SLC25A48: variants seen among roughly 807,000 people sequenced by gnomAD.
SLC25A48 encodes CTC-321K16.1.
Under a neutral mutation model 32.2 loss-of-function variants are expected in SLC25A48, and 29 were observed. That is an observed-to-expected ratio of 0.90 (90% CI 0.67 to 1.23). The LOEUF (loss-of-function observed/expected upper bound fraction) is 1.23. Ranked by LOEUF, SLC25A48 falls within the 50% of genes most tolerant of loss-of-function variation. SLC25A48 has a pLI of 0.00. For synonymous variants in SLC25A48, 164 were observed against 172.3 expected, an observed-to-expected ratio of 0.95 and a Z score of 0.38; for missense variants, 399 against 422.7, an observed-to-expected ratio of 0.94 and a Z score of 0.49.
chr5:135,799,553 G>C (rs1757271178), intron 3 of SLC25A48, among the ~76,000 whole-genome samples: 1 of 151,522 alleles, frequency 6.6e-6, no homozygotes, highest in South Asian at 2.1e-4. Context: ...ACACCCCCCT[G>C]TTGTATTATT....
At chr5:135,757,346 G>A (rs917918297) in intron 3 of SLC25A48, among the ~76,000 whole-genome samples, 2 of 149,266 alleles carry the variant, frequency 1.3e-5, no homozygotes, top group African/African-American at 4.9e-5. Flanking sequence ...AATGTCTAGT[G>A]TTAACACACA....
intron 3 of SLC25A48, among the ~76,000 whole-genome samples, chr5:135,728,351 A>T (rs914472603): frequency 6.6e-6 from 1 of 152,204 alleles, no homozygotes; most frequent in African/African-American, 2.4e-5. Context: ...AACTAAAAAC[A>T]TCTGTAAATC....
chr5:135,599,425 A>G (rs1259929501), intron 1 of SLC25A48, among the ~76,000 whole-genome samples: 2 of 152,172 alleles, frequency 1.3e-5, no homozygotes, highest in Non-Finnish European at 2.9e-5. Context: ...GGTTTGCTGT[A>G]ATCAGGTTAC....
chr5:135,757,988 TATC>T (rs1195717198), intron 3 of SLC25A48, among the ~76,000 whole-genome samples: 2 of 150,536 alleles, frequency 1.3e-5, no homozygotes, highest in African/African-American at 4.8e-5. Context: ...ATTAATAGAA[TATC>T]ATCTAGATAA....
In SLC25A48 at chr5:135,783,388, A is replaced by G. The variant is rs1452257972; in HGVS notation, c.-520-29135A>G. Among the ~76,000 whole-genome samples, 3 of 118,424 alleles carry G rather than the reference A, an allele frequency of 2.5e-5. 1 individual carries two copies. The highest frequency in any genetic ancestry group is 6.3e-5 in the Non-Finnish European group (3 of 47,872). The allele number at this position is 118,424 out of a possible 152,430, so 77.7% of individuals were successfully genotyped here. A position where few individuals can be genotyped will look rare whatever the true frequency, so the allele number is the denominator to read the frequency against. On this transcript the variant is annotated intron_variant, in intron 3 of 10. Coordinates refer to the SLC25A48 transcript ENST00000646290. ...GGGAAAGAATGATATTACTTTCAGT[A>G]TCACATGGGGTGTACACCATCCCCC... is the stretch of plus-strand genomic sequence containing the variant.
chr5:135,679,174 G>A (rs184268333), intron 3 of SLC25A48, among the ~76,000 whole-genome samples: 1 of 152,290 alleles, frequency 6.6e-6, no homozygotes, highest in Admixed American at 6.5e-5. Flanking sequence ...TGGCTGTGAT[G>A]AGCTGGGCAG....
intron 3 of SLC25A48, among the ~76,000 whole-genome samples, chr5:135,762,473 T>C (rs1220376625): frequency 6.6e-6 from 1 of 152,180 alleles, no homozygotes; most frequent in East Asian, 1.9e-4. Context: ...TAATTCCAAA[T>C]ATTGATCTAT....
At chr5:135,613,834 G>T (rs957205003) in intron 1 of SLC25A48, among the ~76,000 whole-genome samples, 2 of 152,130 alleles carry the variant, frequency 1.3e-5, no homozygotes, top group African/African-American at 4.8e-5. Context: ...TGCTATTTTG[G>T]TTACTGTAGC....
Position 135,879,876 on chromosome 5 carries a change from A to G in SLC25A48, c.814-92A>G, listed in dbSNP as rs1015086301. ...CTCTGGTGGGGGACCGGGCCTGGGT[A>G]GGCAGCACCACTAGCTATTCTCTGC... On this transcript the variant is annotated intron_variant, in intron 6 of 7. Coordinates refer to ENST00000681962, the MANE Select transcript of SLC25A48 (RefSeq NM_001349336.2). 10 of 1,478,602 alleles carry G rather than the reference A, an allele frequency of 6.8e-6. No homozygotes were observed. The South Asian group carries it at 1.2e-4, about 18-fold the overall frequency. The allele number at this position is 1,478,602 out of a possible 1,614,324, so 91.6% of individuals were successfully genotyped here. A position where few individuals can be genotyped will look rare whatever the true frequency, so the allele number is the denominator to read the frequency against.
intron 3 of SLC25A48, among the ~76,000 whole-genome samples, chr5:135,674,808 C>T (rs1051397373): frequency 1.3e-5 from 2 of 151,978 alleles, no homozygotes; most frequent in African/African-American, 4.8e-5. Context: ...CTACAATAAA[C>T]ATGCATGTGC....
chr5:135,669,147 C>T (rs1753593035), intron 3 of SLC25A48, among the ~76,000 whole-genome samples: 1 of 152,174 alleles, frequency 6.6e-6, no homozygotes, highest in Non-Finnish European at 1.5e-5. Context: ...AGAAACAGGC[C>T]ATGAGAGGCC....
At chr5:135,713,612 C>G (rs1754721819) in intron 3 of SLC25A48, among the ~76,000 whole-genome samples, 1 of 152,206 alleles carries the variant, frequency 6.6e-6, no homozygotes, top group African/African-American at 2.4e-5. Flanking sequence ...TACCGATGCT[C>G]CAACCTCAGG....
intron 2 of SLC25A48, among the ~76,000 whole-genome samples, chr5:135,848,135 G>T (rs1243428611): frequency 6.6e-6 from 1 of 152,198 alleles, no homozygotes; most frequent in East Asian, 1.9e-4. Context: ...ATGCCTGACA[G>T]ACCTTTGCTC....
At chr5:135,725,612 T>G (rs909250495) in intron 3 of SLC25A48, among the ~76,000 whole-genome samples, 1 of 152,220 alleles carries the variant, frequency 6.6e-6, no homozygotes, top group African/African-American at 2.4e-5. Flanking sequence ...GTATTCCTCC[T>G]TTGCCTCTAT....
intron 3 of SLC25A48, among the ~76,000 whole-genome samples, chr5:135,642,364 C>A (rs1752859883): frequency 6.6e-6 from 1 of 152,302 alleles, no homozygotes; most frequent in Non-Finnish European, 1.5e-5. Context: ...GGGAAGGAGC[C>A]CTTTGGCATG....
chr5:135,655,909 G>T (rs987495077), intron 3 of SLC25A48, among the ~76,000 whole-genome samples: 1 of 152,114 alleles, frequency 6.6e-6, no homozygotes, highest in Non-Finnish European at 1.5e-5. Context: ...TGGGAGGGGG[G>T]TCTGGAGCAA....
intron 2 of SLC25A48, among the ~76,000 whole-genome samples, chr5:135,633,725 G>T (rs1479936392): frequency 6.6e-6 from 1 of 152,146 alleles, no homozygotes; most frequent in Non-Finnish European, 1.5e-5. Flanking sequence ...AGGGTACCAA[G>T]TTGAGAACTG....
intron 3 of SLC25A48, among the ~76,000 whole-genome samples, chr5:135,698,636 G>A (rs1357632378): frequency 6.6e-6 from 1 of 151,986 alleles, no homozygotes; most frequent in Non-Finnish European, 1.5e-5. Context: ...TAATCTTGGG[G>A]TAAGCAAAGA....
At chr5:135,814,263 T>C (rs4521465) in intron 4 of SLC25A48, among the ~76,000 whole-genome samples, 53,608 of 152,016 alleles carry the variant, frequency 0.35, 9,599 homozygotes, top group East Asian at 0.44. Flanking sequence ...ACTTGTCCCT[T>C]AGATCCATTC....
Sources: gnomAD v4.1 joint callset for allele counts (sites outside exome capture counted in the v4.1 genomes callset) on GRCh38, gnomAD v4.1.1 for gene constraint, MANE v1.5 for transcripts, NCBI Gene and HGNC (gene_info 2026-07-23, HGNC 2026-07-21) for gene names.